RBFOX1: variants seen among roughly 807,000 people sequenced by gnomAD.
RBFOX1 encodes RNA binding protein fox-1 homolog 1.
Under a neutral mutation model 57.7 loss-of-function variants are expected in RBFOX1, and 8 were observed. The observed-to-expected ratio is 0.14, with a 90% CI of 0.08 to 0.25. The LOEUF is 0.25. Among genes scored for constraint, RBFOX1 ranks in the 10% least tolerant of loss-of-function variants. The pLI is 1.00. For missense variants in RBFOX1, 611 were observed against 548.5 expected (o/e 1.11, Z -1.14); for synonymous variants, 326 against 222.4 (o/e 1.47, Z -4.15).
chr16:7,682,750 G>A (rs911517178), intron 14 of RBFOX1, among the ~76,000 whole-genome samples: 6 of 151,328 alleles, frequency 4.0e-5, no homozygotes, highest in Admixed American at 1.3e-4. Context: ...GGTTGAGCAC[G>A]TGTACATCTA....
chr16:7,581,437 A>G (rs1366543370), intron 6 of RBFOX1, among the ~76,000 whole-genome samples: 1 of 152,166 alleles, frequency 6.6e-6, no homozygotes, highest in East Asian at 1.9e-4. Context: ...CTTGCTATGC[A>G]GTCTATTTTT....
At chr16:5,834,990 A>G (rs990946390) in intron 3 of RBFOX1, among the ~76,000 whole-genome samples, 2 of 152,168 alleles carry the variant, frequency 1.3e-5, no homozygotes, top group Non-Finnish European at 2.9e-5. Context: ...TCCCTTTGAG[A>G]TATCACCTTA....
chr16:5,969,002 G>C (rs1167424676), intron 4 of RBFOX1, among the ~76,000 whole-genome samples: 2 of 151,674 alleles, frequency 1.3e-5, no homozygotes, highest in African/African-American at 2.4e-5. Context: ...TTTGCCCTTA[G>C]GTTTTTCTAG....
chr16:7,500,247 T>A (rs2070275969), intron 4 of RBFOX1, among the ~76,000 whole-genome samples: 1 of 152,214 alleles, frequency 6.6e-6, no homozygotes, highest in African/African-American at 2.4e-5. Context: ...AGTCAGTTAC[T>A]GATCTTGGCT....
At position 5,491,899 on chromosome 16, in the gene RBFOX1, G is replaced by T. The variant is rs192588701; in HGVS notation, c.258+24645G>T. 3.9e-5 allele frequency among the ~76,000 whole-genome samples: 6 copies of T among 152,302 alleles called. No individual in the cohort carries two copies. In the East Asian group the frequency reaches 1.2e-3, roughly 29 times the overall value. On this transcript the variant is annotated intron_variant, in intron 2 of 2. Coordinates refer to the RBFOX1 transcript ENST00000585867. ...CAGACAAACATACAACAATGTCCAGGCCTCACATCCTCAGAAAATCTGATG... is the reference window on the plus strand; with the variant it reads ...CAGACAAACATACAACAATGTCCAGTCCTCACATCCTCAGAAAATCTGATG...
rs900946605 is a variant in RBFOX1, at chr16:5,926,860, C to T, written c.351+59525C>T. ...CTACATTCTCAGCAACCTGTTAAGT[C>T]GGGTATTTTTATTAGCTCCATTTTC... On this transcript the variant is annotated intron_variant, in intron 4 of 19. Transcript: ENST00000641259. 2.6e-5 allele frequency among the ~76,000 whole-genome samples: 4 copies of T among 152,132 alleles called. 1 individual carries two copies. The highest frequency in any genetic ancestry group is 2.1e-4 in the South Asian group (1 of 4,822).
At chr16:6,980,265 A>G (rs1264168510) in intron 3 of RBFOX1, among the ~76,000 whole-genome samples, 1 of 152,204 alleles carries the variant, frequency 6.6e-6, no homozygotes, top group Non-Finnish European at 1.5e-5. Context: ...GTGCTGTGTC[A>G]GGTGTGAGTG....
At chr16:7,373,940 A>G (rs2097632242) in intron 4 of RBFOX1, among the ~76,000 whole-genome samples, 1 of 152,230 alleles carries the variant, frequency 6.6e-6, no homozygotes, top group Non-Finnish European at 1.5e-5. Flanking sequence ...AGCCCTTTGC[A>G]ATGAAACTGT....
chr16:5,320,930 C>A (rs1020574301), intron 1 of RBFOX1, among the ~76,000 whole-genome samples: 1 of 152,190 alleles, frequency 6.6e-6, no homozygotes, highest in Non-Finnish European at 1.5e-5. Flanking sequence ...TCTGGCTGAC[C>A]CTGGCTGTGG....
intron 2 of RBFOX1, among the ~76,000 whole-genome samples, chr16:5,582,256 G>T (rs890468234): frequency 6.6e-6 from 1 of 152,162 alleles, no homozygotes; most frequent in Non-Finnish European, 1.5e-5. Flanking sequence ...AGCATCTGAG[G>T]CATGACTGGG....
At chr16:6,447,415 A>T (rs2094506097) in intron 2 of RBFOX1, among the ~76,000 whole-genome samples, 2 of 152,340 alleles carry the variant, frequency 1.3e-5, no homozygotes, top group South Asian at 2.1e-4. Flanking sequence ...GAGTTATATG[A>T]ATTATATGTT....
chr16:6,799,060 G>T (rs2084752266), intron 3 of RBFOX1, among the ~76,000 whole-genome samples: 1 of 152,094 alleles, frequency 6.6e-6, no homozygotes, highest in South Asian at 2.1e-4. Context: ...GCTATATTTG[G>T]TAGCTTATAA....
At chr16:6,919,379 A>C (rs952846136) in intron 3 of RBFOX1, among the ~76,000 whole-genome samples, 1 of 152,082 alleles carries the variant, frequency 6.6e-6, no homozygotes, top group Non-Finnish European at 1.5e-5. Context: ...CCAGCAGTTT[A>C]GGTTCTCTTA....
chr16:6,033,363 C>T (rs2095317492), intron 1 of RBFOX1, among the ~76,000 whole-genome samples: 1 of 152,084 alleles, frequency 6.6e-6, no homozygotes, highest in Non-Finnish European at 1.5e-5. Flanking sequence ...TTCAAAAATG[C>T]AGGAGTATGC....
chr16:6,599,671 G>C (rs149907245), intron 2 of RBFOX1, among the ~76,000 whole-genome samples: 1 of 152,244 alleles, frequency 6.6e-6, no homozygotes, highest in South Asian at 2.1e-4. Context: ...ATATGGCAGA[G>C]TGCTTCAGAA....
intron 3 of RBFOX1, among the ~76,000 whole-genome samples, chr16:5,731,348 C>G (rs1351305660): frequency 1.3e-5 from 2 of 152,240 alleles, no homozygotes; most frequent in African/African-American, 4.8e-5. Flanking sequence ...TAATCACCAT[C>G]ATATTAATCA....
intron 11 of RBFOX1, among the ~76,000 whole-genome samples, chr16:7,632,118 A>G (rs1387910651): frequency 6.6e-6 from 1 of 152,202 alleles, no homozygotes; most frequent in Non-Finnish European, 1.5e-5. Context: ...CATCTTGGCC[A>G]GGCTGGTCTC....
chr16:6,404,520 T>G (rs1290623162), intron 2 of RBFOX1, among the ~76,000 whole-genome samples: 1 of 151,934 alleles, frequency 6.6e-6, no homozygotes, highest in East Asian at 1.9e-4. Flanking sequence ...ACAAATGGAG[T>G]GCGTGTGTGT....
intron 4 of RBFOX1, among the ~76,000 whole-genome samples, chr16:7,236,328 G>T (rs920110916): frequency 1.3e-5 from 2 of 152,182 alleles, no homozygotes; most frequent in African/African-American, 4.8e-5. Flanking sequence ...GGGAGAGAAG[G>T]AGATCATGTA....
Sources: allele counts gnomAD v4.1 joint callset (sites outside exome capture counted in the v4.1 genomes callset), GRCh38; gene constraint gnomAD v4.1.1; transcripts MANE v1.5; gene names NCBI Gene and HGNC (gene_info 2026-07-23, HGNC 2026-07-21).